Variants in EFCAB6 observed in about 807,000 individuals in gnomAD.
EFCAB6 encodes EF-hand calcium binding domain 6.
EFCAB6 carries 156 observed loss-of-function variants against 169.8 expected under a neutral mutation model. The ratio of observed to expected loss-of-function variants is 0.92; its 90% CI spans 0.81 to 1.05. The LOEUF (loss-of-function observed/expected upper bound fraction) is 1.05, where lower values mean the gene tolerates loss of function less well. EFCAB6 is among the 50% of genes least tolerant of loss of function. The probability of loss-of-function intolerance (pLI) is 0.00; values close to 1 mark genes in which losing one functional copy is unlikely to be tolerated. For synonymous variants in EFCAB6, 698 were observed against 676.4 expected (o/e 1.03, Z -0.50); for missense variants, 1,800 against 1,829.1 (o/e 0.98, Z 0.29).
At chr22:43,618,048 G>A (rs1035949049) in intron 20 of EFCAB6, among the ~76,000 whole-genome samples, 2 of 150,252 alleles carry the variant, frequency 1.3e-5, no homozygotes, top group Admixed American at 1.3e-4. Context: ...GTTGCAGTGA[G>A]CTGAGATTGT....
intron 6 of EFCAB6, among the ~76,000 whole-genome samples, chr22:43,745,218 T>G (rs1263077691): frequency 6.6e-6 from 1 of 152,168 alleles, no homozygotes; most frequent in African/African-American, 2.4e-5. Context: ...AACTGTGAAC[T>G]CAAATAAATC....
intron 9 of EFCAB6, among the ~76,000 whole-genome samples, chr22:43,714,509 G>A (rs1363290088): frequency 1.4e-5 from 2 of 144,782 alleles, no homozygotes; most frequent in Non-Finnish European, 3.0e-5. Flanking sequence ...GCTTTGTTTT[G>A]CTTTGTTAAT....
chr22:43,675,685 T>C (rs146913563), intron 13 of EFCAB6, among the ~76,000 whole-genome samples: 2,010 of 147,320 alleles, frequency 0.014, 51 homozygotes, highest in African/African-American at 0.047. Context: ...TAGAAATAGA[T>C]ACTAAATAAT....
At chr22:43,619,170 G>C (rs1345399796) in intron 20 of EFCAB6, among the ~76,000 whole-genome samples, 1 of 152,188 alleles carries the variant, frequency 6.6e-6, no homozygotes, top group Non-Finnish European at 1.5e-5. Context: ...CCAGCTTTGA[G>C]AACATGATTA....
At chr22:43,786,671 G>A (rs1277184241) in intron 2 of EFCAB6, among the ~76,000 whole-genome samples, 3 of 151,814 alleles carry the variant, frequency 2.0e-5, no homozygotes, top group Admixed American at 6.6e-5. Flanking sequence ...CCAAGATCGC[G>A]CCACTGCACT....
chr22:43,574,020 C>T (rs983956996), intron 26 of EFCAB6, among the ~76,000 whole-genome samples: 1 of 151,996 alleles, frequency 6.6e-6, no homozygotes, highest in Non-Finnish European at 1.5e-5. Context: ...AAAACGATTC[C>T]TATCCCTTGA....
intron 23 of EFCAB6, among the ~76,000 whole-genome samples, chr22:43,599,556 C>T (rs1459918471): frequency 7.6e-6 from 1 of 132,386 alleles, no homozygotes; most frequent in Non-Finnish European, 1.6e-5. Flanking sequence ...AAAAGACACA[C>T]TGCAGGTCAC....
chr22:43,632,071 T>A (rs2054987345), intron 19 of EFCAB6, 34 bp downstream of exon 19: 2 of 1,608,922 alleles, frequency 1.2e-6, no homozygotes, highest in Admixed American at 1.7e-5. Flanking sequence ...AGGGGAGGCC[T>A]AGAGAAGCCC....
chr22:43,553,259 T>TCC (rs2147057493), intron 27 of EFCAB6: 1 of 152,328 alleles, frequency 6.6e-6, no homozygotes, highest in South Asian at 2.1e-4. Context: ...TGCAGGGAAC[T>TCC]CCCTGGGCTG....
intron 24 of EFCAB6, among the ~76,000 whole-genome samples, chr22:43,582,534 T>C (rs906474222): frequency 5.9e-5 from 9 of 152,238 alleles, no homozygotes; most frequent in Non-Finnish European, 1.0e-4. Context: ...GAAAATTTAC[T>C]TCCTGTCCAC....
chr22:43,605,724 T>C (rs2052872522), intron 22 of EFCAB6, among the ~76,000 whole-genome samples: 1 of 152,104 alleles, frequency 6.6e-6, no homozygotes, highest in Non-Finnish European at 1.5e-5. Context: ...GATGAACGTA[T>C]TGAATACCAC....
intron 20 of EFCAB6, 78 bp from the exon 21 acceptor site, chr22:43,616,000 C>T (rs1019325916): frequency 9.8e-6 from 12 of 1,226,308 alleles, no homozygotes; most frequent in Non-Finnish European, 2.3e-6. Context: ...TTCCCTATCC[C>T]CCCTGTTTGT....
chr22:43,618,180 A>AAG (rs1231940274), intron 20 of EFCAB6, among the ~76,000 whole-genome samples: 1 of 131,608 alleles, frequency 7.6e-6, no homozygotes, highest in African/African-American at 2.7e-5. Flanking sequence ...GAAAGAAAGA[A>AAG]AGAAAGAAAG....
At chr22:43,680,131 T>G (rs1367946667) in intron 12 of EFCAB6, among the ~76,000 whole-genome samples, 1 of 152,210 alleles carries the variant, frequency 6.6e-6, no homozygotes, top group Non-Finnish European at 1.5e-5. Context: ...GATCTATTTG[T>G]GTATGGTGTA....
At chr22:43,618,165 GGAAAGAAAGAAA>G (rs1172174002) in intron 20 of EFCAB6, among the ~76,000 whole-genome samples, 4,211 of 68,074 alleles carry the variant, frequency 0.062, 193 homozygotes, top group Middle Eastern at 0.095. Flanking sequence ...AAGGAAGGAA[GGAAAGAAAGAAA>G]GAAAGAAAGA....
Position 43,532,282 on chromosome 22 carries a change from G to A in EFCAB6, c.4234-1318C>T, listed in dbSNP as rs990414753. 2.6e-5 allele frequency among the ~76,000 whole-genome samples: 4 copies of A among 152,364 alleles called. No homozygotes were observed. In the South Asian group the frequency reaches 6.2e-4, roughly 24 times the overall value. On this transcript the variant is annotated intron_variant, in intron 30 of 31. Transcript: ENST00000262726. The stretch of plus-strand genomic sequence containing the variant: ...CAGCTTTGCGGGGTTGCTGAGGACG[G>A]ACAGTGCAGCTGGAAGCTGGGAACT...
chr22:43,571,649 C>T (rs2049881761), intron 26 of EFCAB6, among the ~76,000 whole-genome samples: 1 of 152,166 alleles, frequency 6.6e-6, no homozygotes, highest in Admixed American at 6.5e-5. Context: ...AGCGATTCTT[C>T]TTTATTCAGA....
intron 17 of EFCAB6, among the ~76,000 whole-genome samples, chr22:43,663,156 TCC>T (rs2057086088): frequency 6.6e-6 from 1 of 152,248 alleles, no homozygotes; most frequent in South Asian, 2.1e-4. Context: ...TCGTTATTAT[TCC>T]AGCAATGACA....
At chr22:43,575,585 G>A (rs2023562937) in intron 26 of EFCAB6, among the ~76,000 whole-genome samples, 1 of 151,870 alleles carries the variant, frequency 6.6e-6, no homozygotes, top group Admixed American at 6.6e-5. Context: ...GAAAAAATAA[G>A]TGCAGATACA....
Sources: allele counts gnomAD v4.1 joint callset (sites outside exome capture counted in the v4.1 genomes callset), GRCh38; gene constraint gnomAD v4.1.1; transcripts MANE v1.5; gene names NCBI Gene and HGNC (gene_info 2026-07-23, HGNC 2026-07-21).